Variants in NR4A1 observed in about 807,000 individuals in gnomAD.
The protein encoded by NR4A1 is nuclear receptor subfamily 4 group A member 1.
Under a neutral mutation model 47.5 loss-of-function variants are expected in NR4A1, and 24 were observed. The ratio of observed to expected loss-of-function variants is 0.50; its 90% confidence interval spans 0.37 to 0.71. The LOEUF (loss-of-function observed/expected upper bound fraction) is 0.71, where lower values mean the gene tolerates loss of function less well. Among genes scored for constraint, NR4A1 ranks in the 30% least tolerant of loss-of-function variants. The pLI, the probability that NR4A1 is intolerant of heterozygous loss-of-function variation, is 0.00. For synonymous variants in NR4A1, 353 were observed against 345.7 expected, an observed-to-expected ratio of 1.02 and a Z score of -0.24; for missense variants, 669 against 788.6, an observed-to-expected ratio of 0.85 and a Z score of 1.82.
chr12:52,023,372 C>T (rs1333981131), intron 1 of NR4A1, among the ~76,000 whole-genome samples: 3 of 152,174 alleles, frequency 2.0e-5, no homozygotes, highest in African/African-American at 7.2e-5. Flanking sequence ...GTGCCGCCGC[C>T]GCGAGTGGGG....
intron 6 of NR4A1, 75 bp from the exon 7 acceptor site, chr12:52,058,613 T>C: frequency 6.9e-7 from 1 of 1,444,614 alleles, no homozygotes; most frequent in Non-Finnish European, 9.1e-7. Context: ...GCAGCAGTTT[T>C]AGGGGCCTGG....
chr12:52,035,057 C>T (rs1351505417), intron 1 of NR4A1, among the ~76,000 whole-genome samples: 1 of 152,130 alleles, frequency 6.6e-6, no homozygotes, highest in East Asian at 1.9e-4. Flanking sequence ...GAGGTAGAGC[C>T]TCTTGTGGGT....
At chr12:52,045,600 C>T in intron 2 of NR4A1, 1 of 444,538 alleles carries the variant, frequency 2.2e-6, no homozygotes. Flanking sequence ...CTGCATTAGG[C>T]AGATGAGGAA....
Position 52,057,403 on chromosome 12 carries a change from C to A in NR4A1, c.1413C>A (p.His471Gln). The A allele has an allele frequency of 6.2e-7, 1 of 1,614,242 alleles. No homozygotes were observed. The highest frequency in any genetic ancestry group is 1.3e-5 in the African/African-American group (1 of 75,064). Residue 471 changes from histidine (H) to glutamine (Q), a missense_variant, in exon 6 of 7, where the codon CAC becomes CAA. His to Gln is a conservative substitution (Grantham distance 24). Transcript: ENST00000394825. ...TCTTCTGCTCAGGCCTGGTGCTACA[C>A]CGGCTGCAGTGTGCCCGTGGCTTCG... ...KLIFCSGLVL[H>Q]RLQCARGFGD...
intron 6 of NR4A1, among the ~76,000 whole-genome samples, chr12:52,058,292 A>C (rs1939377113): frequency 6.6e-6 from 1 of 152,174 alleles, no homozygotes; most frequent in Non-Finnish European, 1.5e-5. Context: ...CTTAAATTGC[A>C]CAGGGGACCC....
In NR4A1 at chr12:52,057,075, C is replaced by T. The variant is rs1409904870; in HGVS notation, c.1177C>T (p.Pro393Ser). 1 of 1,605,682 alleles carries T rather than the reference C, an allele frequency of 6.2e-7. No homozygotes were observed. Among genetic ancestry groups the T allele is most frequent in the Admixed American group, 1.7e-5 (1 of 58,908 alleles). Reference protein sequence around the residue: ...DYSKFQELVLPHFGKEDAGDV... With the variant: ...DYSKFQELVLSHFGKEDAGDV... ...TTCCTAGTTCCAGGAGCTGGTGCTG[C>T]CCCACTTTGGGAAGGAAGATGCTGG... The change falls in exon 5 of 7, where the codon CCC becomes TCC. Residue 393 changes from proline (P) to serine (S), a missense_variant. Physicochemically the swap from Pro to Ser is moderately conservative, Grantham distance 74. Transcript: ENST00000394825.
intron 3 of NR4A1, 69 bp from the exon 4 acceptor site, chr12:52,056,425 T>C (rs1939275084): frequency 6.3e-7 from 1 of 1,576,804 alleles, no homozygotes; most frequent in South Asian, 1.1e-5. Context: ...AGCAGTGGTG[T>C]GCACGGCTTG....
intron 1 of NR4A1, among the ~76,000 whole-genome samples, chr12:52,034,430 T>TG (rs1938194384): frequency 1.3e-5 from 2 of 152,232 alleles, no homozygotes; most frequent in African/African-American, 4.8e-5. Flanking sequence ...TCACTGGCCA[T>TG]GGTGGCCTGT....
chr12:52,050,445 G>A (rs1018012634), upstream of NR4A1, among the ~76,000 whole-genome samples: 1 of 152,242 alleles, frequency 6.6e-6, no homozygotes, highest in Non-Finnish European at 1.5e-5. Flanking sequence ...CCTTCAGCAA[G>A]TGCCATTATT....
chr12:52,046,268 G>A (rs1345728688), intron 2 of NR4A1, among the ~76,000 whole-genome samples: 2 of 152,202 alleles, frequency 1.3e-5, no homozygotes, highest in Non-Finnish European at 2.9e-5. Flanking sequence ...GACATTGGCT[G>A]CTCACTTGGG....
At chr12:52,043,711 T>C in intron 2 of NR4A1, 1 of 1,266,706 alleles carries the variant, frequency 7.9e-7, no homozygotes, top group Non-Finnish European at 1.0e-6. Flanking sequence ...CACGCCGGCT[T>C]GGAGGCAGCA....
intron 1 of NR4A1, among the ~76,000 whole-genome samples, chr12:52,052,304 T>TGTGTGAGAGA (rs398019589): frequency 5.7e-5 from 4 of 70,656 alleles, no homozygotes; most frequent in African/African-American, 1.8e-4. Context: ...TGTGTGTGTG[T>TGTGTGAGAGA]GAGAGAGAGA....
chr12:52,028,375 A>G (rs936735481), intron 1 of NR4A1, among the ~76,000 whole-genome samples: 1 of 151,872 alleles, frequency 6.6e-6, no homozygotes, highest in Non-Finnish European at 1.5e-5. Flanking sequence ...AGTGATCGAG[A>G]CCATCCTGGC....
In NR4A1 at chr12:52,058,712, G is replaced by T. The variant is rs962010279; in HGVS notation, c.1565G>T (p.Arg522Leu). The T allele has an allele frequency of 1.9e-6, 3 of 1,605,830 alleles. No individual in the cohort carries two copies. In the South Asian group the frequency reaches 3.3e-5, roughly 18 times the overall value. Residue 522 changes from arginine to leucine, a missense_variant, in exon 7 of 7, where the codon CGG becomes CTG. Transcript: ENST00000394825. ...ITDRHGLQEP[R>L]RVEELQNRIA... ...GACCGGCATGGGCTGCAGGAGCCGC[G>T]GCGGGTGGAGGAGCTGCAGAACCGC...
chr12:52,054,744 C>T lies in NR4A1; in HGVS notation c.416C>T (p.Pro139Leu), dbSNP rs755721281. ...TACTATGGCAGCCCCTGCTCGGCCC[C>T]GTCGCCCTCCACGCCCAGCTTCCAG... Reference protein sequence around the residue: ...SDYYGSPCSAPSPSTPSFQPP... With the variant: ...SDYYGSPCSALSPSTPSFQPP... Residue 139 changes from proline to leucine, a missense_variant, in exon 2 of 7, where the codon CCG (proline) becomes CTG (leucine). By Grantham distance (98) the Pro-to-Leu change is moderately conservative (BLOSUM62 -3). Coordinates refer to ENST00000394825, the MANE Select transcript of NR4A1 (RefSeq NM_173157.3). 31 of 1,612,588 alleles carry T rather than the reference C, an allele frequency of 1.9e-5. No individual in the cohort carries two copies. The highest frequency in any genetic ancestry group is 1.6e-4 in the Middle Eastern group (1 of 6,084).
chr12:52,048,103 G>A (rs575049530), upstream of NR4A1, among the ~76,000 whole-genome samples: 27 of 151,652 alleles, frequency 1.8e-4, no homozygotes, highest in South Asian at 3.5e-3. Context: ...GCAGTGAGCC[G>A]AGATCGCACC....
At chr12:52,036,472 T>C (rs1448141911) in intron 1 of NR4A1, among the ~76,000 whole-genome samples, 1 of 152,156 alleles carries the variant, frequency 6.6e-6, no homozygotes, top group African/African-American at 2.4e-5. Flanking sequence ...CAGCCAGATA[T>C]GGTGGATAAT....
chr12:52,057,914 T>A (rs1172707806), intron 6 of NR4A1, among the ~76,000 whole-genome samples: 1 of 152,178 alleles, frequency 6.6e-6, no homozygotes, highest in Non-Finnish European at 1.5e-5. Flanking sequence ...AAAGAGCACA[T>A]AACTGCCCCC....
chr12:52,056,223 G>T (rs958712359), intron 3 of NR4A1, 64 bp downstream of exon 3: 1 of 1,520,160 alleles, frequency 6.6e-7, no homozygotes, highest in Non-Finnish European at 8.8e-7. Flanking sequence ...GACCAGCAGG[G>T]CCCCCAGGCT....
Sources: allele counts gnomAD v4.1 joint callset (sites outside exome capture counted in the v4.1 genomes callset), GRCh38; gene constraint gnomAD v4.1.1; transcripts MANE v1.5; gene names NCBI Gene and HGNC (gene_info 2026-07-23, HGNC 2026-07-21).